Variants in PIK3C2A observed in about 807,000 individuals in gnomAD.
The protein encoded by PIK3C2A is phosphatidylinositol-4-phosphate 3-kinase catalytic subunit type 2 alpha, also known as phosphatidylinositol 4-phosphate 3-kinase C2 domain-containing subunit alpha.
A neutral mutation model predicts 204.5 loss-of-function variants in PIK3C2A; 97 were observed. The observed-to-expected ratio is 0.47, with a 90% CI of 0.40 to 0.56. The LOEUF is 0.56. PIK3C2A is among the 20% of genes least tolerant of loss of function. The pLI is 0.00. For missense variants in PIK3C2A, 1,735 were observed against 1,969.2 expected, an observed-to-expected ratio of 0.88 and a Z score of 2.25; for synonymous variants, 653 against 664.4, an observed-to-expected ratio of 0.98 and a Z score of 0.26.
In PIK3C2A at chr11:17,169,148, A is replaced by G. The variant is rs1487281682; in HGVS notation, c.594T>C (p.Tyr198=). 3 of 1,613,932 alleles carry G rather than the reference A, an allele frequency of 1.9e-6. No homozygotes were observed. Among genetic ancestry groups the G allele is most frequent in the Non-Finnish European group, 2.5e-6 (3 of 1,179,964 alleles). ...GAAAGGGTGTGGCAGGTGTCAAAGGATATGAGAAATATGGAGATTGTCCCG... is the reference window on the plus strand; with the variant it reads ...GAAAGGGTGTGGCAGGTGTCAAAGGGTATGAGAAATATGGAGATTGTCCCG... ...SLPGQSPYFS[Y]PLTPATPFHP... is the part of the protein sequence containing the mutation. The change falls in exon 2 of 33, where the codon TAT becomes TAC. Residue 198 remains tyrosine (Y), a synonymous_variant. Coordinates refer to ENST00000691414, the MANE Select transcript of PIK3C2A (RefSeq NM_002645.4).
rs114931123 is a variant in PIK3C2A, at chr11:17,191,128, A to G, written c.-66+16720T>C. Among the ~76,000 whole-genome samples the G allele has an allele frequency of 2.6e-3, 398 of 152,328 alleles. 2 individuals are homozygous for G. The highest frequency in any genetic ancestry group is 9.3e-3 in the African/African-American group (385 of 41,590). Reference sequence around the variant, plus strand: ...GATCAAATCCATCTATTGTCTACAGAGTCTGTTCCTAAAGAAACCATGGAG... The same window carrying G: ...GATCAAATCCATCTATTGTCTACAGGGTCTGTTCCTAAAGAAACCATGGAG... On this transcript the variant is annotated intron_variant, in intron 1 of 32. Coordinates refer to ENST00000691414, the MANE Select transcript of PIK3C2A (RefSeq NM_002645.4).
At chr11:17,152,305 A>T (rs1478250934) in intron 3 of PIK3C2A, among the ~76,000 whole-genome samples, 1 of 152,108 alleles carries the variant, frequency 6.6e-6, no homozygotes, top group Non-Finnish European at 1.5e-5. Context: ...GATCCAGAAA[A>T]TACACTAATT....
At chr11:17,111,073 A>G (rs1848987044) in intron 21 of PIK3C2A, among the ~76,000 whole-genome samples, 1 of 151,736 alleles carries the variant, frequency 6.6e-6, no homozygotes, top group Non-Finnish European at 1.5e-5. Context: ...ACACCTGGCT[A>G]ATTTTTGTAT....
Position 17,089,617 on chromosome 11 carries a change from G to A in PIK3C2A, c.*121C>T, listed in dbSNP as rs1359823938. 4.8e-6 allele frequency: 3 copies of A among 625,728 alleles called. No homozygotes were observed. The East Asian group carries it at 8.3e-5, about 17-fold the overall frequency. The allele number at this position is 625,728 out of a possible 1,614,324, so 38.8% of individuals were successfully genotyped here. ...AAGTATATTTAACTTTATAAGTTCT[G>A]TCCAAGTATAAAAATACTATACAAA... On this transcript the variant is annotated 3_prime_UTR_variant, in exon 33 of 33. Transcript: ENST00000691414.
intron 1 of PIK3C2A, among the ~76,000 whole-genome samples, chr11:17,206,265 C>T (rs1397742499): frequency 1.3e-5 from 2 of 152,082 alleles, no homozygotes; most frequent in Admixed American, 6.6e-5. Flanking sequence ...GCCAAAATTA[C>T]GGAATTTATG....
chr11:17,207,508 G>GA (rs1218343401), intron 1 of PIK3C2A, among the ~76,000 whole-genome samples: 5 of 152,188 alleles, frequency 3.3e-5, no homozygotes, highest in Admixed American at 3.3e-4. Context: ...CAAGGCGGGG[G>GA]AGGGGGGCCG....
At chr11:17,102,416 G>A (rs536941623) in intron 24 of PIK3C2A, among the ~76,000 whole-genome samples, 22 of 152,278 alleles carry the variant, frequency 1.4e-4, no homozygotes, top group South Asian at 1.0e-3. Flanking sequence ...CAGCCTGGGC[G>A]ACACAGCAAG....
rs534684996 is a variant in PIK3C2A at position 17,145,598 on chromosome 11, A to G, written c.1704+70T>C. On this transcript the variant is annotated intron_variant, in intron 8 of 32. Coordinates refer to ENST00000691414, the MANE Select transcript of PIK3C2A (RefSeq NM_002645.4). ...CTAAAATATTTAATCCAATGCCAAC[A>G]CTACCATTTAAGAGAAAGAAGCAGC... The G allele has an allele frequency of 3.5e-6, 3 of 860,588 alleles. No homozygotes were observed. The South Asian group carries it at 4.4e-5, about 13-fold the overall frequency. 53.3% of individuals were successfully genotyped at this position (860,588 alleles called of 1,614,324 possible). A position where few individuals can be genotyped will look rare whatever the true frequency, so the allele number is the denominator to read the frequency against.
In PIK3C2A at chr11:17,089,926, A is replaced by C; in HGVS notation, c.4879-6T>G. The C allele has an allele frequency of 6.5e-7, 1 of 1,538,596 alleles. No homozygotes were observed. Among genetic ancestry groups the C allele is most frequent in the Non-Finnish European group, 8.8e-7 (1 of 1,138,230 alleles). On this transcript the variant is annotated splice_polypyrimidine_tract_variant and splice_region_variant and intron_variant, in intron 32 of 32. Transcript: ENST00000691414. The stretch of plus-strand genomic sequence containing the variant: ...CTATATCCACTGTATACAAGCTACA[A>C]CAAAGGAAAAAAGAACAGTAAATCA...
chr11:17,155,647 T>C lies in PIK3C2A; in HGVS notation c.1066-18A>G. The C allele has an allele frequency of 3.4e-6, 5 of 1,460,412 alleles. No individual in the cohort carries two copies. The highest frequency in any genetic ancestry group is 4.8e-6 in the Non-Finnish European group (5 of 1,044,136). The allele number at this position is 1,460,412 out of a possible 1,614,324, so 90.5% of individuals were successfully genotyped here. On this transcript the variant is annotated intron_variant, in intron 2 of 32. Coordinates refer to ENST00000691414, the MANE Select transcript of PIK3C2A (RefSeq NM_002645.4). ...GGGTCTTTCTGTAATTAAAAAAGTGTTTTTATTTTAAAAGTGGAAGATCCA... is the reference window on the plus strand; with the variant it reads ...GGGTCTTTCTGTAATTAAAAAAGTGCTTTTATTTTAAAAGTGGAAGATCCA...
chr11:17,170,742 C>T lies in PIK3C2A; in HGVS notation c.-65-936G>A, dbSNP rs11024178. ...CTACTCTGTAACACCGAGCACATTT[C>T]CTGCTTCTAATCAATATGATAAAAG... is the stretch of plus-strand genomic sequence containing the variant. On this transcript the variant is annotated intron_variant, in intron 1 of 32. Coordinates refer to ENST00000691414, the MANE Select transcript of PIK3C2A (RefSeq NM_002645.4). 4.8e-3 allele frequency among the ~76,000 whole-genome samples: 732 copies of T among 152,222 alleles called. 10 individuals carry two copies. The highest frequency in any genetic ancestry group is 0.017 in the African/African-American group (696 of 41,538).
chr11:17,194,196 GC>G, intron 1 of PIK3C2A: 1 of 489,798 alleles, frequency 2.0e-6, no homozygotes, highest in Non-Finnish European at 3.2e-6. Context: ...CTTGGGTTGT[GC>G]CGGCCAAACG....
At chr11:17,148,631 T>A in intron 5 of PIK3C2A, 36 bp downstream of exon 5, 1 of 1,594,596 alleles carries the variant, frequency 6.3e-7, no homozygotes, top group Non-Finnish European at 8.5e-7. Context: ...AAAATGAAAT[T>A]TCCAAGGATG....
At chr11:17,205,362 T>TG (rs1852530236) in intron 1 of PIK3C2A, among the ~76,000 whole-genome samples, 1 of 149,134 alleles carries the variant, frequency 6.7e-6, no homozygotes, top group Admixed American at 6.8e-5. Flanking sequence ...TAGTCCCAGC[T>TG]CCTCGGGAGG....
intron 1 of PIK3C2A, among the ~76,000 whole-genome samples, chr11:17,207,489 C>G (rs1852624226): frequency 6.6e-6 from 1 of 152,204 alleles, no homozygotes; most frequent in Non-Finnish European, 1.5e-5. Flanking sequence ...CCAGCCCGGT[C>G]CCGCGGGACA....
intron 13 of PIK3C2A, among the ~76,000 whole-genome samples, chr11:17,126,930 C>T (rs964990926): frequency 1.3e-5 from 2 of 152,108 alleles, no homozygotes; most frequent in Non-Finnish European, 2.9e-5. Flanking sequence ...TATGCAAAGA[C>T]TCCTGGTGCT....
chr11:17,180,729 G>A (rs1419116110), intron 1 of PIK3C2A, among the ~76,000 whole-genome samples: 1 of 152,136 alleles, frequency 6.6e-6, no homozygotes, highest in East Asian at 1.9e-4. Flanking sequence ...GGCTGAGGCA[G>A]GAGAATCACT....
At chr11:17,092,096 A>G (rs1247712096) in intron 29 of PIK3C2A, 28 bp from the exon 30 acceptor site, 1 of 1,538,612 alleles carries the variant, frequency 6.5e-7, no homozygotes, top group East Asian at 2.2e-5. Context: ...GCAATTCATT[A>G]GTTTAAATAT....
Position 17,169,675 on chromosome 11 carries a change from C to T in PIK3C2A, c.67G>A (p.Ala23Thr). 3 of 1,611,980 alleles carry T rather than the reference C, an allele frequency of 1.9e-6. No individual in the cohort carries two copies. The highest frequency in any genetic ancestry group is 1.3e-5 in the African/African-American group (1 of 75,026). ...CPSSHPEPTR[A>T]KDVDKEEALQ... ...GCTTCTTCTTTGTCCACATCTTTTGCTCTTGTTGGTTCCGGATGTGAAGAT... is the reference window on the plus strand; with the variant it reads ...GCTTCTTCTTTGTCCACATCTTTTGTTCTTGTTGGTTCCGGATGTGAAGAT... The change falls in exon 2 of 33, where the codon GCA becomes ACA. Residue 23 changes from alanine to threonine, a missense_variant. Transcript: ENST00000691414.
Sources: gnomAD v4.1 joint callset for allele counts (sites outside exome capture counted in the v4.1 genomes callset) on GRCh38, gnomAD v4.1.1 for gene constraint, MANE v1.5 for transcripts, NCBI Gene and HGNC (gene_info 2026-07-23, HGNC 2026-07-21) for gene names.